Variants in PCDH9 observed in about 807,000 individuals in gnomAD.
PCDH9 encodes the protein protocadherin 9.
PCDH9 carries 24 observed loss-of-function variants against 70.6 expected under a neutral mutation model. The observed-to-expected ratio is 0.34, with a 90% CI of 0.25 to 0.48. The LOEUF is 0.48. Among genes scored for constraint, PCDH9 ranks in the 20% least tolerant of loss-of-function variants. The probability of loss-of-function intolerance (pLI) is 0.99; values close to 1 mark genes in which losing one functional copy is unlikely to be tolerated. For missense variants in PCDH9, 1,281 were observed against 1,503.6 expected, an observed-to-expected ratio of 0.85 and a Z score of 2.45; for synonymous variants, 562 against 558.5, an observed-to-expected ratio of 1.01 and a Z score of -0.09.
intron 3 of PCDH9, among the ~76,000 whole-genome samples, chr13:66,675,125 G>C (rs113792595): frequency 6.6e-6 from 1 of 152,028 alleles, no homozygotes; most frequent in Non-Finnish European, 1.5e-5. Flanking sequence ...TTCCTTATCT[G>C]TAAAATACAG....
intron 3 of PCDH9, chr13:66,880,264 T>C (rs1208624881): frequency 6.6e-6 from 1 of 152,182 alleles, no homozygotes; most frequent in Non-Finnish European, 1.5e-5. Context: ...GGCATTACTT[T>C]TGATATCCAT....
In PCDH9 at chr13:67,140,664, C is replaced by T. The variant is rs58353165; in HGVS notation, c.3036+84741G>A. Among the ~76,000 whole-genome samples the T allele has an allele frequency of 4.0e-3, 615 of 152,254 alleles. 21 individuals carry two copies. In the East Asian group the frequency reaches 0.081, roughly 20 times the overall value. ...CCTATACCTGGTATTTCTTTAAAAA[C>T]CCCAGCTAATTCCAATGTGCCTCCT... On this transcript the variant is annotated intron_variant, in intron 2 of 4. Transcript: ENST00000377865.
intron 2 of PCDH9, among the ~76,000 whole-genome samples, chr13:66,951,191 T>C (rs181691674): frequency 1.5e-4 from 23 of 152,242 alleles, no homozygotes; most frequent in Non-Finnish European, 3.2e-4. Flanking sequence ...ATTTCTCTCT[T>C]TTTTTTCACT....
chr13:66,921,276 A>G (rs144897186), intron 2 of PCDH9, among the ~76,000 whole-genome samples: 1 of 151,332 alleles, frequency 6.6e-6, no homozygotes, highest in East Asian at 1.9e-4. Context: ...TTTAAAATGC[A>G]ATATATTTAA....
intron 2 of PCDH9, chr13:67,214,935 G>GATAGATATAT (rs1555321190): frequency 3.4e-5 from 3 of 89,248 alleles, no homozygotes; most frequent in African/African-American, 8.9e-5. Context: ...TTGCGAGCCA[G>GATAGATATAT]ATATATATAT....
intron 3 of PCDH9, among the ~76,000 whole-genome samples, chr13:66,753,250 A>G (rs1297836740): frequency 2.0e-5 from 3 of 152,168 alleles, no homozygotes; most frequent in Non-Finnish European, 4.4e-5. Flanking sequence ...GATTCTCAAC[A>G]TAACACAACG....
At chr13:66,711,740 CATTA>C (rs959521169) in intron 3 of PCDH9, among the ~76,000 whole-genome samples, 27 of 152,218 alleles carry the variant, frequency 1.8e-4, no homozygotes, top group Middle Eastern at 3.4e-3. Context: ...TCGATGGTCA[CATTA>C]ATTGAGTCTT....
At chr13:66,906,244 T>G (rs1350722462) in intron 2 of PCDH9, among the ~76,000 whole-genome samples, 1 of 152,104 alleles carries the variant, frequency 6.6e-6, no homozygotes, top group African/African-American at 2.4e-5. Flanking sequence ...GAATCATGGT[T>G]AGCACACATT....
At chr13:67,000,133 C>T (rs1477420572) in intron 2 of PCDH9, among the ~76,000 whole-genome samples, 1 of 152,016 alleles carries the variant, frequency 6.6e-6, no homozygotes, top group Admixed American at 6.6e-5. Context: ...ACATATACAC[C>T]ATGGAATACT....
At chr13:66,471,128 C>T (rs113299374) in intron 4 of PCDH9, among the ~76,000 whole-genome samples, 13 of 152,026 alleles carry the variant, frequency 8.6e-5, no homozygotes, top group African/African-American at 2.9e-4. Context: ...AAAAAAATTG[C>T]TACTTGCACA....
intron 4 of PCDH9, among the ~76,000 whole-genome samples, chr13:66,595,122 C>A (rs2077087037): frequency 1.3e-5 from 2 of 151,552 alleles, no homozygotes; most frequent in Admixed American, 6.6e-5. Flanking sequence ...CTTCTGTCAG[C>A]TTAATGGCTC....
chr13:67,054,417 T>C (rs2085379624), intron 2 of PCDH9, among the ~76,000 whole-genome samples: 2 of 152,168 alleles, frequency 1.3e-5, no homozygotes, highest in Admixed American at 1.3e-4. Flanking sequence ...GCTCAAAAGA[T>C]GTTGGTTTCA....
intron 2 of PCDH9, among the ~76,000 whole-genome samples, chr13:67,138,892 A>T (rs2087302126): frequency 6.6e-6 from 1 of 152,194 alleles, no homozygotes; most frequent in Non-Finnish European, 1.5e-5. Flanking sequence ...ACACAAAATT[A>T]TCCGAGGAAA....
At chr13:66,770,329 C>T (rs9540906) in intron 3 of PCDH9, among the ~76,000 whole-genome samples, 12,369 of 152,032 alleles carry the variant, frequency 0.081, 519 homozygotes, top group East Asian at 0.14. Context: ...TCCATGTAAC[C>T]CAAAACCACC....
chr13:66,951,147 C>T (rs1370151993), intron 2 of PCDH9, among the ~76,000 whole-genome samples: 1 of 152,176 alleles, frequency 6.6e-6, no homozygotes, highest in African/African-American at 2.4e-5. Context: ...TTAACAATTG[C>T]TTCATAATGA....
At chr13:66,542,435 T>G (rs965315996) in intron 4 of PCDH9, among the ~76,000 whole-genome samples, 2 of 151,902 alleles carry the variant, frequency 1.3e-5, no homozygotes, top group African/African-American at 4.8e-5. Context: ...CTAATGTGGG[T>G]GTGCCTTGTC....
intron 3 of PCDH9, among the ~76,000 whole-genome samples, chr13:66,834,876 A>G (rs888768667): frequency 3.3e-5 from 5 of 152,352 alleles, no homozygotes; most frequent in South Asian, 4.1e-4. Flanking sequence ...CCTAACCTGG[A>G]TGCTATGTTT....
At chr13:66,936,932 A>G (rs906601469) in intron 2 of PCDH9, among the ~76,000 whole-genome samples, 4 of 152,242 alleles carry the variant, frequency 2.6e-5, no homozygotes, top group Admixed American at 6.5e-5. Context: ...ATCTAACTGT[A>G]TATAAGCTAC....
At chr13:66,460,606 T>C (rs1958405513) in intron 4 of PCDH9, among the ~76,000 whole-genome samples, 2 of 151,958 alleles carry the variant, frequency 1.3e-5, no homozygotes. Flanking sequence ...GTTGTAACTA[T>C]GCTACTATAA....
Sources: allele counts gnomAD v4.1 joint callset (sites outside exome capture counted in the v4.1 genomes callset), GRCh38; gene constraint gnomAD v4.1.1; transcripts MANE v1.5; gene names NCBI Gene and HGNC (gene_info 2026-07-23, HGNC 2026-07-21).